Variants in PCYT1B observed in about 807,000 individuals in gnomAD.
PCYT1B encodes the protein choline-phosphate cytidylyltransferase B.
PCYT1B carries 10 observed loss-of-function variants against 26.4 expected under a neutral mutation model. That is an observed-to-expected ratio of 0.38 (90% CI 0.23 to 0.64). PCYT1B has a LOEUF of 0.64. Ranked by LOEUF, PCYT1B falls within the 30% of genes least tolerant of loss-of-function variation. The pLI, the probability that PCYT1B is intolerant of heterozygous loss-of-function variation, is 0.56. For synonymous variants in PCYT1B, 131 were observed against 108.4 expected, an observed-to-expected ratio of 1.21 and a Z score of -1.29; for missense variants, 161 against 292.7, an observed-to-expected ratio of 0.55 and a Z score of 3.28.
At chrX:24,664,598 G>A (rs1927089261) in intron 1 of PCYT1B, among the ~76,000 whole-genome samples, 1 of 112,047 alleles carries the variant, frequency 8.9e-6, no homozygotes, top group South Asian at 3.7e-4. Context: ...ATGCCAATGG[G>A]GGAGGATTGA....
At chrX:24,658,148 A>G (rs1313969021) in intron 1 of PCYT1B, 1 of 112,098 alleles carries the variant, frequency 8.9e-6, no homozygotes, top group East Asian at 2.8e-4. Flanking sequence ...CATCAGGACC[A>G]TCTGACGCCA....
chrX:24,631,072 G>A (rs1487376805), intron 1 of PCYT1B, among the ~76,000 whole-genome samples: 9 of 111,096 alleles, frequency 8.1e-5, no homozygotes, highest in East Asian at 2.8e-4. Context: ...ACAGGTGCCC[G>A]CCACCATGCC....
At chrX:24,608,513 G>A (rs1191990203) in intron 2 of PCYT1B, among the ~76,000 whole-genome samples, 3 of 111,847 alleles carry the variant, frequency 2.7e-5, no homozygotes, top group South Asian at 3.8e-4. Flanking sequence ...AGGGACATAC[G>A]CCTCAAAGGG....
intron 3 of PCYT1B, among the ~76,000 whole-genome samples, chrX:24,595,116 G>C (rs1252124019): frequency 9.2e-6 from 1 of 108,822 alleles, no homozygotes; most frequent in Non-Finnish European, 1.9e-5. Flanking sequence ...TCTTTTCCCT[G>C]CCCCCTACTC....
At chrX:24,589,858 C>T (rs934327194) in intron 4 of PCYT1B, among the ~76,000 whole-genome samples, 165 bp downstream of exon 4, 4 of 111,270 alleles carry the variant, frequency 3.6e-5, no homozygotes, top group Non-Finnish European at 7.5e-5. Context: ...TACCAGTCCT[C>T]GGGCTTGGGC....
At chrX:24,596,389 C>T (rs1924780344) in intron 3 of PCYT1B, among the ~76,000 whole-genome samples, 1 of 110,665 alleles carries the variant, frequency 9.0e-6, no homozygotes, top group Admixed American at 9.7e-5. Context: ...GTCAGGAGTT[C>T]GAGACCATCC....
At chrX:24,609,893 G>A (rs765421609) in intron 2 of PCYT1B, among the ~76,000 whole-genome samples, 1 of 111,109 alleles carries the variant, frequency 9.0e-6, no homozygotes, top group East Asian at 2.8e-4. Flanking sequence ...AGGAGCTCCA[G>A]ACCAGCCTGG....
At chrX:24,612,024 C>T (rs1329324615) in intron 2 of PCYT1B, among the ~76,000 whole-genome samples, 3 of 112,208 alleles carry the variant, frequency 2.7e-5, no homozygotes, top group Non-Finnish European at 5.6e-5. Flanking sequence ...GTCCATCTTG[C>T]TAGCAGACTT....
chrX:24,569,329 C>G (rs748988763), intron 7 of PCYT1B, among the ~76,000 whole-genome samples: 2 of 109,766 alleles, frequency 1.8e-5, no homozygotes, highest in South Asian at 8.0e-4. Context: ...AAATTAGATC[C>G]CTGTGCATTG....
intron 2 of PCYT1B, among the ~76,000 whole-genome samples, chrX:24,618,702 C>G (rs1041008712): frequency 1.8e-5 from 2 of 108,944 alleles, no homozygotes; most frequent in Non-Finnish European, 3.8e-5. Flanking sequence ...ACTGCAATCT[C>G]CACCTCCCGG....
chrX:24,575,743 C>T lies in PCYT1B; in HGVS notation c.709-425G>A, dbSNP rs371457130. On this transcript the variant is annotated intron_variant, in intron 6 of 7. Transcript: ENST00000379144. ...GAAGCTGCCTGAGTTCGCTGTTTTACTGGGATATGGTTAAAACAATATTGC... is the reference window on the plus strand; with the variant it reads ...GAAGCTGCCTGAGTTCGCTGTTTTATTGGGATATGGTTAAAACAATATTGC... Among the ~76,000 whole-genome samples, 52 of 112,485 alleles carry T rather than the reference C, an allele frequency of 4.6e-4. 1 individual carries two copies. In the East Asian group the frequency reaches 5.9e-3, roughly 13 times the overall value.
chrX:24,645,985 A>T (rs765069284), intron 1 of PCYT1B, among the ~76,000 whole-genome samples: 1 of 111,364 alleles, frequency 9.0e-6, no homozygotes, highest in Non-Finnish European at 1.9e-5. Flanking sequence ...TTTTTAAAAA[A>T]CTCTTCCCAG....
upstream of PCYT1B, among the ~76,000 whole-genome samples, chrX:24,648,107 T>C (rs991391398): frequency 1.8e-5 from 2 of 112,027 alleles, no homozygotes; most frequent in South Asian, 7.4e-4. Flanking sequence ...CGAAGTACCC[T>C]GCTCTCAGCC....
upstream of PCYT1B, among the ~76,000 whole-genome samples, chrX:24,649,858 C>T (rs748872841): frequency 8.9e-6 from 1 of 112,536 alleles, no homozygotes; most frequent in African/African-American, 3.2e-5. Flanking sequence ...CTGACACTTA[C>T]TCATCCCAAG....
At chrX:24,585,294 T>C (rs1385136474) in intron 5 of PCYT1B, among the ~76,000 whole-genome samples, 1 of 111,429 alleles carries the variant, frequency 9.0e-6, no homozygotes, top group Non-Finnish European at 1.9e-5. Flanking sequence ...TGGAAAGAAA[T>C]AGTTTTACAG....
chrX:24,597,809 C>T (rs1924835014), intron 3 of PCYT1B, among the ~76,000 whole-genome samples: 1 of 112,190 alleles, frequency 8.9e-6, no homozygotes, highest in Non-Finnish European at 1.9e-5. Context: ...TGCCTCTTCT[C>T]CCAACTATTG....
intron 1 of PCYT1B, among the ~76,000 whole-genome samples, chrX:24,640,965 G>A (rs61760934): frequency 6.0e-4 from 67 of 111,594 alleles, no homozygotes; most frequent in Admixed American, 8.6e-4. Context: ...ATGGAGTCTC[G>A]CTCTGTCACT....
chrX:24,592,446 A>T lies in PCYT1B; in HGVS notation c.335-2272T>A, dbSNP rs759430035. 9.9e-5 allele frequency among the ~76,000 whole-genome samples: 11 copies of T among 111,271 alleles called. No individual in the cohort carries two copies. In the South Asian group the frequency reaches 4.2e-3, roughly 43 times the overall value. ...TAATCCACACCCAAGCCATCAGGAA[A>T]ACTGCAGGCTCTGCCTTCAAAGCAC... On this transcript the variant is annotated intron_variant, in intron 3 of 7. Coordinates refer to ENST00000379144, the MANE Select transcript of PCYT1B (RefSeq NM_004845.5).
chrX:24,660,448 C>T (rs1315022109), intron 1 of PCYT1B, among the ~76,000 whole-genome samples: 1 of 111,933 alleles, frequency 8.9e-6, no homozygotes, highest in Non-Finnish European at 1.9e-5. Context: ...GAGGCTGAGG[C>T]GGGCAGATCA....
Sources: allele counts gnomAD v4.1 joint callset (sites outside exome capture counted in the v4.1 genomes callset), GRCh38; gene constraint gnomAD v4.1.1; transcripts MANE v1.5; gene names NCBI Gene and HGNC (gene_info 2026-07-23, HGNC 2026-07-21).